The following LRPPRC variants were observed in gnomAD, a reference collection of about 807,000 sequenced individuals.
LRPPRC encodes leucine-rich PPR motif-containing protein, mitochondrial.
In LRPPRC, 120 loss-of-function variants were observed where a neutral mutation model predicts 180.3. That is an observed-to-expected ratio of 0.67 (90% CI 0.57 to 0.77). The LOEUF (loss-of-function observed/expected upper bound fraction) is 0.77. Among genes scored for constraint, LRPPRC ranks in the 30% least tolerant of loss-of-function variants. The pLI is 0.00. For missense variants in LRPPRC, 2,012 were observed against 1,657.2 expected, an observed-to-expected ratio of 1.21 and a Z score of -3.72; for synonymous variants, 723 against 600.0, an observed-to-expected ratio of 1.21 and a Z score of -3.00.
At position 43,993,511 on chromosome 2, in the gene LRPPRC, G is replaced by T. The variant is rs562837820; in HGVS notation, c.149+2288C>A. ...AAAGGGACAGAGAAGTATGGACAGG[G>T]AAGAGACTGAGAAACTTCTAGAGTA... On this transcript the variant is annotated intron_variant, in intron 1 of 37. Coordinates refer to ENST00000260665, the MANE Select transcript of LRPPRC (RefSeq NM_133259.4). Among the ~76,000 whole-genome samples the T allele has an allele frequency of 2.0e-5, 3 of 152,292 alleles. No homozygotes were observed. The East Asian group carries it at 5.8e-4, about 29-fold the overall frequency.
chr2:43,891,456 GTC>G (rs1216258667), intron 36 of LRPPRC, among the ~76,000 whole-genome samples: 8 of 152,106 alleles, frequency 5.3e-5, no homozygotes, highest in African/African-American at 1.9e-4. Flanking sequence ...GTGTCTCTGT[GTC>G]ACATTTTGGT....
At chr2:43,995,461 G>A (rs755742863) in intron 1 of LRPPRC, among the ~76,000 whole-genome samples, 1 of 152,208 alleles carries the variant, frequency 6.6e-6, no homozygotes, top group African/African-American at 2.4e-5. Flanking sequence ...CCAAGTGTAA[G>A]GAAAAGACCA....
chr2:43,950,790 C>T (rs1015902348), intron 14 of LRPPRC, among the ~76,000 whole-genome samples, 190 bp from the exon 15 acceptor site: 4 of 152,174 alleles, frequency 2.6e-5, no homozygotes, highest in Non-Finnish European at 5.9e-5. Flanking sequence ...TCAAAATAGG[C>T]CAGGCCTGGT....
intron 14 of LRPPRC, among the ~76,000 whole-genome samples, chr2:43,955,779 T>C (rs1017860122): frequency 9.2e-5 from 14 of 152,130 alleles, no homozygotes; most frequent in East Asian, 1.9e-4. Flanking sequence ...CAATAACTGA[T>C]TCAACAAGGA....
chr2:43,995,803 C>T lies in LRPPRC; in HGVS notation c.145G>A (p.Ala49Thr). Reference sequence around the variant, plus strand: ...AGAAAGGGCCTGGGCACTCACCCGGCCACGGGCCCGGCGCGAGCGGCGGGC... The same window carrying T: ...AGAAAGGGCCTGGGCACTCACCCGGTCACGGGCCCGGCGCGAGCGGCGGGC... ...YLPAARAGPV[A>T]GGLLSPARLY... Residue 49 changes from alanine to threonine, a missense_variant, in exon 1 of 38, where the codon GCC becomes ACC. Ala to Thr is a moderately conservative substitution (Grantham distance 58). Coordinates refer to ENST00000260665, the MANE Select transcript of LRPPRC (RefSeq NM_133259.4). 7.2e-7 allele frequency: 1 copy of T among 1,388,260 alleles called. No individual in the cohort carries two copies. Among genetic ancestry groups the T allele is most frequent in the South Asian group, 1.7e-5 (1 of 60,354 alleles). The allele number at this position is 1,388,260 out of a possible 1,614,324, so 86.0% of individuals were successfully genotyped here. A position where few individuals can be genotyped will look rare whatever the true frequency, so the allele number is the denominator to read the frequency against.
chr2:43,901,898 G>C (rs1245183474), intron 31 of LRPPRC: 1 of 183,356 alleles, frequency 5.5e-6, no homozygotes, highest in Non-Finnish European at 1.1e-5. Flanking sequence ...GTTCATACTT[G>C]TCCAGATTTT....
chr2:43,902,155 A>G (rs1670913009), intron 31 of LRPPRC: 1 of 152,498 alleles, frequency 6.6e-6, no homozygotes, highest in Admixed American at 6.5e-5. Context: ...TAGTTAATGC[A>G]TTTTCAACTT....
At chr2:43,895,563 C>T (rs1011938832) in intron 35 of LRPPRC, among the ~76,000 whole-genome samples, 1 of 152,176 alleles carries the variant, frequency 6.6e-6, no homozygotes, top group South Asian at 2.1e-4. Context: ...AAAACACAGC[C>T]TCTCTGAAAG....
chr2:43,899,784 G>C (rs1670821380), intron 32 of LRPPRC, 179 bp from the exon 33 acceptor site: 8 of 596,804 alleles, frequency 1.3e-5, no homozygotes, highest in Non-Finnish European at 2.4e-5. Flanking sequence ...CATTTAAGTA[G>C]CAAAAACATT....
At chr2:43,931,744 T>G (rs1672095554) in intron 25 of LRPPRC, among the ~76,000 whole-genome samples, 1 of 152,092 alleles carries the variant, frequency 6.6e-6, no homozygotes, top group Non-Finnish European at 1.5e-5. Context: ...TAAATGAAGC[T>G]CTTAGATCTG....
intron 1 of LRPPRC, 93 bp downstream of exon 1, chr2:43,995,706 C>T: frequency 2.5e-6 from 3 of 1,187,980 alleles, no homozygotes; most frequent in Non-Finnish European, 3.3e-6. Context: ...AGAAGGGTGG[C>T]GAGCACAGGC....
At chr2:43,945,562 G>A in intron 21 of LRPPRC, 145 bp from the exon 22 acceptor site, 2 of 673,396 alleles carry the variant, frequency 3.0e-6, no homozygotes, top group Non-Finnish European at 5.4e-6. Context: ...ATTTCTTTTT[G>A]AAGCCATATA....
chr2:43,889,135 T>C (rs989680484), intron 37 of LRPPRC, among the ~76,000 whole-genome samples: 3 of 151,546 alleles, frequency 2.0e-5, no homozygotes, highest in African/African-American at 7.3e-5. Flanking sequence ...GCCAACATGG[T>C]GAAACCCCAT....
chr2:43,936,756 G>A (rs979463678), intron 23 of LRPPRC, among the ~76,000 whole-genome samples: 1 of 152,180 alleles, frequency 6.6e-6, no homozygotes, highest in African/African-American at 2.4e-5. Context: ...ACCCCACAGA[G>A]TCATTTGAAT....
intron 7 of LRPPRC, 38 bp from the exon 8 acceptor site, chr2:43,974,796 G>T: frequency 6.3e-7 from 1 of 1,597,970 alleles, no homozygotes; most frequent in Non-Finnish European, 8.6e-7. Flanking sequence ...CAAAGTTAGA[G>T]TGTTTTTATT....
chr2:43,974,363 C>G (rs1182302086), intron 8 of LRPPRC, 68 bp from the exon 9 acceptor site: 2 of 1,167,532 alleles, frequency 1.7e-6, no homozygotes, highest in Non-Finnish European at 2.6e-6. Flanking sequence ...AACCAATGTT[C>G]CAATACTGAA....
chr2:43,974,126 A>T (rs759006438), intron 9 of LRPPRC, 24 bp downstream of exon 9: 2 of 1,607,014 alleles, frequency 1.2e-6, no homozygotes, highest in Non-Finnish European at 1.7e-6. Context: ...TACATTGTCT[A>T]CAAAGTAAAA....
chr2:43,992,807 G>A (rs1377006589), intron 1 of LRPPRC, among the ~76,000 whole-genome samples: 3 of 152,142 alleles, frequency 2.0e-5, no homozygotes, highest in Non-Finnish European at 4.4e-5. Flanking sequence ...GAAAGAAGAA[G>A]GAGGGGTCCA....
intron 23 of LRPPRC, among the ~76,000 whole-genome samples, chr2:43,937,457 TTA>T (rs1672317252): frequency 6.6e-6 from 1 of 152,128 alleles, no homozygotes; most frequent in African/African-American, 2.4e-5. Flanking sequence ...CCCACATAAT[TTA>T]TGTCACTATT....
Sources: gnomAD v4.1 joint callset for allele counts (sites outside exome capture counted in the v4.1 genomes callset) on GRCh38, gnomAD v4.1.1 for gene constraint, MANE v1.5 for transcripts, NCBI Gene and HGNC (gene_info 2026-07-23, HGNC 2026-07-21) for gene names.